The following NTRK3 variants were observed in gnomAD, a reference collection of about 807,000 sequenced individuals.
NTRK3 encodes the protein NT-3 growth factor receptor.
In NTRK3, 24 loss-of-function variants were observed where a neutral mutation model predicts 91.7. That is an observed-to-expected ratio of 0.26 (90% confidence interval 0.19 to 0.37). NTRK3 has a LOEUF of 0.37. NTRK3 is among the 10% of genes least tolerant of loss of function. The probability of loss-of-function intolerance (pLI) is 1.00; values close to 1 mark genes in which losing one functional copy is unlikely to be tolerated. For missense variants in NTRK3, 880 were observed against 1,068.9 expected, an observed-to-expected ratio of 0.82 and a Z score of 2.46; for synonymous variants, 483 against 404.0, an observed-to-expected ratio of 1.20 and a Z score of -2.34.
At chr15:88,078,377 C>T (rs971330904) in intron 13 of NTRK3, among the ~76,000 whole-genome samples, 1 of 152,192 alleles carries the variant, frequency 6.6e-6, no homozygotes, top group African/African-American at 2.4e-5. Context: ...GGGGTCAGGC[C>T]TGGTGCGGTG....
At chr15:88,210,471 T>C (rs1217373598) in intron 3 of NTRK3, among the ~76,000 whole-genome samples, 7 of 152,230 alleles carry the variant, frequency 4.6e-5, no homozygotes, top group African/African-American at 1.7e-4. Context: ...CAGTTGTTCC[T>C]CTGCAATTCC....
At chr15:88,056,054 T>C (rs968961559) in intron 13 of NTRK3, among the ~76,000 whole-genome samples, 2 of 151,840 alleles carry the variant, frequency 1.3e-5, no homozygotes, top group Non-Finnish European at 2.9e-5. Flanking sequence ...AAGCAGGCAG[T>C]AGAAAGAAAC....
intron 3 of NTRK3, among the ~76,000 whole-genome samples, chr15:88,218,115 G>T (rs1230042768): frequency 6.6e-6 from 1 of 152,100 alleles, no homozygotes; most frequent in Non-Finnish European, 1.5e-5. Flanking sequence ...CGAGTTGAAT[G>T]CAGGTGTGCT....
At chr15:87,908,529 A>G in intron 17 of NTRK3, 1 of 399,446 alleles carries the variant, frequency 2.5e-6, no homozygotes, top group Non-Finnish European at 4.4e-6. Flanking sequence ...CCGCTGCCAC[A>G]CCACACTGAA....
At chr15:88,030,213 C>A (rs538470668) in intron 14 of NTRK3, among the ~76,000 whole-genome samples, 2 of 152,198 alleles carry the variant, frequency 1.3e-5, no homozygotes, top group Non-Finnish European at 2.9e-5. Flanking sequence ...TTTTCACCAA[C>A]CTTTTCTTGT....
intron 13 of NTRK3, among the ~76,000 whole-genome samples, chr15:88,039,943 T>C (rs1354239688): frequency 1.3e-5 from 2 of 152,178 alleles, no homozygotes; most frequent in African/African-American, 4.8e-5. Flanking sequence ...AAGTAAATTG[T>C]GAAATGCTGA....
chr15:88,216,410 G>C (rs972281708), intron 3 of NTRK3, among the ~76,000 whole-genome samples: 21 of 152,230 alleles, frequency 1.4e-4, no homozygotes, highest in African/African-American at 5.1e-4. Flanking sequence ...TGTGGGCCTG[G>C]AGCTTGAGAA....
At chr15:87,980,335 ATGTG>A (rs138722834) in intron 14 of NTRK3, among the ~76,000 whole-genome samples, 12 of 141,990 alleles carry the variant, frequency 8.5e-5, no homozygotes, top group Non-Finnish European at 1.5e-4. Context: ...GTGCATTTGC[ATGTG>A]TGTGTGTTTG....
intron 5 of NTRK3, among the ~76,000 whole-genome samples, chr15:88,164,237 G>A (rs1428964109): frequency 6.6e-6 from 1 of 152,234 alleles, no homozygotes; most frequent in East Asian, 1.9e-4. Context: ...GTGGGCTGCA[G>A]CCGGGCTGGC....
At chr15:88,221,312 A>G (rs941123241) in intron 3 of NTRK3, among the ~76,000 whole-genome samples, 2 of 152,264 alleles carry the variant, frequency 1.3e-5, no homozygotes, top group African/African-American at 4.8e-5. Context: ...CTTGAATCCT[A>G]GCTTTTCTTC....
At chr15:88,036,053 G>C (rs541407526) in intron 13 of NTRK3, among the ~76,000 whole-genome samples, 4 of 152,262 alleles carry the variant, frequency 2.6e-5, no homozygotes, top group South Asian at 4.1e-4. Context: ...ATCCCAGAGA[G>C]AGAGAGACAG....
At chr15:87,874,403 C>G (rs1466849304) in exon 19 of NTRK3, 1 of 230,302 alleles carries the variant, frequency 4.3e-6, no homozygotes, top group African/African-American at 2.2e-5. Context: ...CAACTGCGGT[C>G]TCCTTCAGTG....
In NTRK3 at chr15:88,146,531, T is replaced by C. The variant is rs150316402; in HGVS notation, c.464+804A>G. 6.6e-3 allele frequency among the ~76,000 whole-genome samples: 1,006 copies of C among 152,332 alleles called. 14 individuals are homozygous for C. The highest frequency in any genetic ancestry group is 0.023 in the African/African-American group (962 of 41,574). On this transcript the variant is annotated intron_variant, in intron 6 of 18. Coordinates refer to ENST00000394480, the Ensembl canonical transcript of NTRK3. Reference sequence around the variant, plus strand: ...GATTTATACCCTCAACATAATATGATGTCCTTCATGCACAGAGATGACCCC... The same window carrying C: ...GATTTATACCCTCAACATAATATGACGTCCTTCATGCACAGAGATGACCCC...
At chr15:88,238,205 C>T (rs118178285) in intron 3 of NTRK3, among the ~76,000 whole-genome samples, 1,995 of 152,268 alleles carry the variant, frequency 0.013, 20 homozygotes, top group Middle Eastern at 0.02. Context: ...AAAAAACAAA[C>T]ATATGCTTTT....
chr15:88,011,003 A>C (rs1250487376), intron 14 of NTRK3, among the ~76,000 whole-genome samples: 1 of 152,198 alleles, frequency 6.6e-6, no homozygotes, highest in African/African-American at 2.4e-5. Flanking sequence ...GAAGGGATAA[A>C]AAAAAATCCA....
chr15:87,863,969 C>A (rs569814370), exon 19 of NTRK3: 7 of 203,068 alleles, frequency 3.4e-5, no homozygotes, highest in African/African-American at 9.0e-5. Context: ...CCCCACCAGG[C>A]AAAATACACA....
chr15:88,202,779 T>C (rs1008613312), intron 3 of NTRK3, among the ~76,000 whole-genome samples: 42 of 152,322 alleles, frequency 2.8e-4, no homozygotes, highest in African/African-American at 9.9e-4. Context: ...GTGTGACCCA[T>C]GAGTCTTGTT....
chr15:88,247,241 G>A (rs540159298), intron 3 of NTRK3, among the ~76,000 whole-genome samples: 4 of 152,098 alleles, frequency 2.6e-5, no homozygotes, highest in Admixed American at 1.3e-4. Flanking sequence ...TCCTTTCCCC[G>A]CCTGCCTGTA....
intron 13 of NTRK3, among the ~76,000 whole-genome samples, chr15:88,083,680 G>C (rs1375662199): frequency 6.6e-6 from 1 of 152,142 alleles, no homozygotes; most frequent in Non-Finnish European, 1.5e-5. Flanking sequence ...CCTTCACCCC[G>C]CTGGCTCAAA....
Sources: allele counts gnomAD v4.1 joint callset (sites outside exome capture counted in the v4.1 genomes callset), GRCh38; gene constraint gnomAD v4.1.1; transcripts MANE v1.5; gene names NCBI Gene and HGNC (gene_info 2026-07-23, HGNC 2026-07-21).